Variants in FHIT observed in about 807,000 individuals in gnomAD.
FHIT encodes fragile histidine triad diadenosine triphosphatase.
A neutral mutation model predicts 17.9 loss-of-function variants in FHIT; 19 were observed. The ratio of observed to expected loss-of-function variants is 1.06; its 90% CI spans 0.74 to 1.56. FHIT has a LOEUF of 1.56. Ranked by LOEUF, FHIT falls within the 40% of genes most tolerant of loss-of-function variation. The pLI is 0.00. For synonymous variants in FHIT, 81 were observed against 69.7 expected, an observed-to-expected ratio of 1.16 and a Z score of -0.81; for missense variants, 248 against 189.2, an observed-to-expected ratio of 1.31 and a Z score of -1.82.
At chr3:59,751,195 C>CCCT (rs1559569063) in intron 9 of FHIT, 1 of 177,506 alleles carries the variant, frequency 5.6e-6, no homozygotes, top group Non-Finnish European at 1.2e-5. Context: ...CATGGTAACC[C>CCCT]TATATTTATA....
intron 5 of FHIT, among the ~76,000 whole-genome samples, chr3:60,326,653 C>A (rs891395526): frequency 6.6e-6 from 1 of 152,104 alleles, no homozygotes; most frequent in Non-Finnish European, 1.5e-5. Flanking sequence ...TCACCCTTTC[C>A]CAGAGTGAAT....
intron 3 of FHIT, among the ~76,000 whole-genome samples, chr3:61,033,070 G>A (rs1022289681): frequency 3.9e-5 from 6 of 152,328 alleles, no homozygotes; most frequent in African/African-American, 1.4e-4. Context: ...AAGAGATTGG[G>A]TGATGCTCAG....
intron 5 of FHIT, among the ~76,000 whole-genome samples, chr3:60,041,172 T>C (rs769169967): frequency 4.9e-4 from 74 of 152,290 alleles, no homozygotes; most frequent in Non-Finnish European, 9.3e-4. Context: ...ATTAGCAACC[T>C]ACCCTATGAT....
intron 4 of FHIT, among the ~76,000 whole-genome samples, chr3:60,743,142 C>T (rs2042273039): frequency 6.6e-6 from 1 of 152,232 alleles, no homozygotes; most frequent in Admixed American, 6.5e-5. Flanking sequence ...AGAATCTACA[C>T]TGCAGCTGGG....
intron 5 of FHIT, among the ~76,000 whole-genome samples, chr3:60,502,251 T>C (rs1464179697): frequency 5.3e-5 from 8 of 152,168 alleles, no homozygotes; most frequent in Middle Eastern, 3.4e-3. Flanking sequence ...CCCAGCAGCC[T>C]GGGAAAGATT....
intron 5 of FHIT, among the ~76,000 whole-genome samples, chr3:60,458,091 C>T (rs1462272296): frequency 6.6e-6 from 1 of 151,996 alleles, no homozygotes; most frequent in African/African-American, 2.4e-5. Context: ...GGGTATATAC[C>T]CAAAGGATTA....
At chr3:59,819,307 G>A (rs994235757) in intron 8 of FHIT, among the ~76,000 whole-genome samples, 1 of 152,008 alleles carries the variant, frequency 6.6e-6, no homozygotes, top group Non-Finnish European at 1.5e-5. Context: ...CCAATTTCTC[G>A]AGGTTCTTGC....
intron 5 of FHIT, among the ~76,000 whole-genome samples, chr3:60,361,465 G>A (rs1336444624): frequency 6.6e-6 from 1 of 152,184 alleles, no homozygotes; most frequent in African/African-American, 2.4e-5. Flanking sequence ...TGGATTTCTT[G>A]CAGCAGTGAG....
intron 2 of FHIT, among the ~76,000 whole-genome samples, chr3:61,142,950 C>G (rs1451560919): frequency 6.6e-6 from 1 of 151,972 alleles, no homozygotes; most frequent in South Asian, 2.1e-4. Flanking sequence ...TTAATATGTA[C>G]CTTACAGTGT....
intron 2 of FHIT, among the ~76,000 whole-genome samples, chr3:61,046,856 G>T (rs147253156): frequency 3.4e-4 from 51 of 152,076 alleles, no homozygotes; most frequent in Admixed American, 3.3e-3. Context: ...ATCAAAAAAC[G>T]TAATCCATCA....
At chr3:60,170,491 G>T (rs919737953) in intron 5 of FHIT, among the ~76,000 whole-genome samples, 2 of 152,102 alleles carry the variant, frequency 1.3e-5, no homozygotes, top group African/African-American at 4.8e-5. Flanking sequence ...ATCATTCTAA[G>T]TACATCCACC....
chr3:60,681,973 A>T (rs962451917), intron 4 of FHIT, among the ~76,000 whole-genome samples: 50 of 145,138 alleles, frequency 3.4e-4, no homozygotes, highest in Middle Eastern at 3.6e-3. Flanking sequence ...TAAACAGCAG[A>T]TTTTTTTTTT....
intron 4 of FHIT, among the ~76,000 whole-genome samples, chr3:60,595,634 TGTGTGTGTATA>T (rs1198646183): frequency 1.4e-4 from 21 of 149,806 alleles, no homozygotes; most frequent in East Asian, 3.9e-4. Flanking sequence ...TATATGTGTG[TGTGTGTGTATA>T]GTGTGTGTAT....
chr3:60,032,433 A>G (rs1701040157), intron 5 of FHIT, among the ~76,000 whole-genome samples: 2 of 150,746 alleles, frequency 1.3e-5, no homozygotes, highest in Non-Finnish European at 3.0e-5. Flanking sequence ...GCCTAGGTGA[A>G]GGAGCAAGAC....
intron 3 of FHIT, among the ~76,000 whole-genome samples, chr3:60,930,261 C>T (rs1707875783): frequency 6.6e-6 from 1 of 152,146 alleles, no homozygotes; most frequent in Non-Finnish European, 1.5e-5. Context: ...ACCATAAAAA[C>T]CCTAGAAGAA....
intron 4 of FHIT, among the ~76,000 whole-genome samples, chr3:60,560,520 A>C (rs1267472637): frequency 6.6e-6 from 1 of 152,048 alleles, no homozygotes; most frequent in Non-Finnish European, 1.5e-5. Flanking sequence ...GTTCAGGCCA[A>C]AACCAAAATG....
intron 5 of FHIT, among the ~76,000 whole-genome samples, chr3:60,340,332 C>A (rs115811854): frequency 6.5e-4 from 99 of 152,258 alleles, no homozygotes; most frequent in Non-Finnish European, 1.2e-3. Context: ...TGACTCTTCC[C>A]ATAATCAACA....
At chr3:60,956,227 G>A (rs1196536484) in intron 3 of FHIT, among the ~76,000 whole-genome samples, 2 of 152,166 alleles carry the variant, frequency 1.3e-5, no homozygotes, top group East Asian at 3.9e-4. Context: ...TCTTAGTTAA[G>A]ATCCATTTAG....
intron 4 of FHIT, among the ~76,000 whole-genome samples, chr3:60,757,185 C>G (rs1699458464): frequency 6.6e-6 from 1 of 151,408 alleles, no homozygotes; most frequent in African/African-American, 2.4e-5. Flanking sequence ...TTCAAGTAAG[C>G]TATTTTTTCA....
Sources: allele counts gnomAD v4.1 joint callset (sites outside exome capture counted in the v4.1 genomes callset), GRCh38; gene constraint gnomAD v4.1.1; transcripts MANE v1.5; gene names NCBI Gene and HGNC (gene_info 2026-07-23, HGNC 2026-07-21).